The following UACA variants were observed in gnomAD, a reference collection of about 807,000 sequenced individuals.
UACA encodes the protein uveal autoantigen with coiled-coil domains and ankyrin repeats.
In UACA, 112 loss-of-function variants were observed where a neutral mutation model predicts 160.5. The ratio of observed to expected loss-of-function variants is 0.70; its 90% confidence interval spans 0.60 to 0.82. The LOEUF (loss-of-function observed/expected upper bound fraction) is 0.82, where lower values mean the gene tolerates loss of function less well. Ranked by LOEUF, UACA falls within the 40% of genes least tolerant of loss-of-function variation. UACA has a pLI of 0.00. For missense variants in UACA, 1,574 were observed against 1,614.6 expected (o/e 0.97, Z 0.43); for synonymous variants, 557 against 568.4 (o/e 0.98, Z 0.29).
intron 4 of UACA, among the ~76,000 whole-genome samples, 197 bp from the exon 5 acceptor site, chr15:70,690,708 A>G (rs1273217939): frequency 2.0e-5 from 3 of 152,206 alleles, no homozygotes; most frequent in Admixed American, 2.0e-4. Flanking sequence ...ACAATGTTTC[A>G]CCAAACAGGA....
the UACA span, chr15:70,778,753 A>G: frequency 6.6e-6 from 1 of 152,232 alleles, no homozygotes; most frequent in African/African-American, 2.4e-5. Flanking sequence ...CGACTCACAC[A>G]TAAATAAACA....
At chr15:70,658,136 T>A (rs749853734) in intron 18 of UACA, among the ~76,000 whole-genome samples, 1 of 152,206 alleles carries the variant, frequency 6.6e-6, no homozygotes, top group African/African-American at 2.4e-5. Flanking sequence ...CCCATATTTA[T>A]GTTTTTACGT....
At chr15:70,683,246 C>A (rs866107670) in intron 8 of UACA, among the ~76,000 whole-genome samples, 6 of 152,066 alleles carry the variant, frequency 3.9e-5, no homozygotes, top group Middle Eastern at 3.4e-3. Context: ...GTAGTCCCAG[C>A]TACTCATGAG....
At chr15:70,683,489 A>C (rs986304649) in intron 8 of UACA, among the ~76,000 whole-genome samples, 9 of 152,208 alleles carry the variant, frequency 5.9e-5, no homozygotes, top group African/African-American at 2.2e-4. Flanking sequence ...ACCGACCCTA[A>C]AGGGTAATAA....
chr15:70,737,167 G>T (rs912288114), intron 1 of UACA, among the ~76,000 whole-genome samples: 6 of 152,192 alleles, frequency 3.9e-5, no homozygotes, highest in Non-Finnish European at 7.3e-5. Flanking sequence ...GGCCATCGGG[G>T]CTGAGTGTTT....
intron 1 of UACA, among the ~76,000 whole-genome samples, chr15:70,761,813 T>C (rs1464993280): frequency 6.6e-6 from 1 of 152,214 alleles, no homozygotes; most frequent in Non-Finnish European, 1.5e-5. Context: ...ATCATGCTGA[T>C]AATACCTACT....
chr15:70,721,509 TC>T lies in UACA; in HGVS notation c.79-21850del, dbSNP rs1431786317. ...GGGTGTGGTGGCGGGAGCCTGTAGT[TC>T]CAGCTACTCGGGAGGCTGAGGCAGG... On this transcript the variant is annotated intron_variant, in intron 1 of 18. Transcript: ENST00000322954. Among the ~76,000 whole-genome samples the T allele has an allele frequency of 7.9e-5, 12 of 151,774 alleles. 1 individual carries two copies. The East Asian group carries it at 2.3e-3, about 30-fold the overall frequency.
chr15:70,679,046 G>A (rs560764296), intron 10 of UACA, among the ~76,000 whole-genome samples: 12 of 152,040 alleles, frequency 7.9e-5, no homozygotes, highest in South Asian at 2.1e-4. Flanking sequence ...TACTTCTAGC[G>A]TTACATAATT....
intron 1 of UACA, among the ~76,000 whole-genome samples, chr15:70,748,738 A>G (rs1221375004): frequency 3.3e-5 from 5 of 152,116 alleles, no homozygotes; most frequent in Non-Finnish European, 5.9e-5. Context: ...GATTTCATAC[A>G]CTGTCCTGCA....
At chr15:70,772,492 CAAA>C in the UACA span, among the ~76,000 whole-genome samples, 1,047 of 49,454 alleles carry the variant, frequency 0.021, 10 homozygotes, top group African/African-American at 0.05. Context: ...GCCTCCATCT[CAAA>C]AAAAAAAAAA....
intron 1 of UACA, among the ~76,000 whole-genome samples, chr15:70,740,496 G>A (rs960697171): frequency 3.3e-5 from 5 of 151,594 alleles, no homozygotes; most frequent in African/African-American, 1.2e-4. Flanking sequence ...AATCAGCTGG[G>A]CATGCTGGTG....
At position 70,699,513 on chromosome 15, in the gene UACA, T is replaced by A; in HGVS notation, c.212+14A>T. The stretch of plus-strand genomic sequence containing the variant: ...ATTCCCTTCAGACATGCTTTTATCA[T>A]CAATAATACTTACACAGATCTGCCT... On this transcript the variant is annotated intron_variant, in intron 2 of 18. Transcript: ENST00000322954. 1.9e-6 allele frequency: 3 copies of A among 1,608,764 alleles called. No homozygotes were observed. The highest frequency in any genetic ancestry group is 2.5e-6 in the Non-Finnish European group (3 of 1,177,316).
chr15:70,695,511 T>C (rs1438283501), intron 2 of UACA, among the ~76,000 whole-genome samples: 1 of 152,236 alleles, frequency 6.6e-6, no homozygotes, highest in African/African-American at 2.4e-5. Flanking sequence ...AGCAGAATGC[T>C]GAGGCCAAAG....
intron 1 of UACA, among the ~76,000 whole-genome samples, chr15:70,701,226 T>C (rs1055371622): frequency 2.4e-4 from 37 of 152,192 alleles, no homozygotes; most frequent in African/African-American, 8.7e-4. Flanking sequence ...AAGTTTAAAC[T>C]GCCAACTATG....
At chr15:70,679,544 TCAA>T (rs1305722312) in intron 10 of UACA, 61 bp downstream of exon 10, 8 of 1,107,266 alleles carry the variant, frequency 7.2e-6, no homozygotes, top group African/African-American at 3.2e-5. Flanking sequence ...CTCTTCTCTC[TCAA>T]TCCCACTACA....
chr15:70,700,923 CAT>C (rs1445657954), intron 1 of UACA, among the ~76,000 whole-genome samples: 2 of 151,786 alleles, frequency 1.3e-5, no homozygotes, highest in Non-Finnish European at 2.9e-5. Flanking sequence ...ATATCCTCTA[CAT>C]GTTTGATCAA....
Position 70,711,712 on chromosome 15 carries a change from C to T in UACA, c.79-12052G>A, listed in dbSNP as rs200559279. Among the ~76,000 whole-genome samples, 6 of 152,068 alleles carry T rather than the reference C, an allele frequency of 3.9e-5. No homozygotes were observed. In the East Asian group the frequency reaches 1.2e-3, roughly 29 times the overall value. On this transcript the variant is annotated intron_variant, in intron 1 of 18. Coordinates refer to ENST00000322954, the MANE Select transcript of UACA (RefSeq NM_018003.4). ...AACCCAGTTACTTTCTTCAACTGAT[C>T]TCAAAGTATAATAAGGCAGACAGAT...
At chr15:70,698,067 T>A (rs1052048045) in intron 2 of UACA, among the ~76,000 whole-genome samples, 4 of 151,538 alleles carry the variant, frequency 2.6e-5, no homozygotes, top group Non-Finnish European at 4.4e-5. Context: ...AATAAAAAAA[T>A]AAAAAAAATT....
chr15:70,665,041 A>T (rs1896855178), intron 16 of UACA: 1 of 363,062 alleles, frequency 2.8e-6, no homozygotes, highest in Non-Finnish European at 4.9e-6. Flanking sequence ...ATTAAGAATA[A>T]ATATTACATA....
Sources: gnomAD v4.1 joint callset for allele counts (sites outside exome capture counted in the v4.1 genomes callset) on GRCh38, gnomAD v4.1.1 for gene constraint, MANE v1.5 for transcripts, NCBI Gene and HGNC (gene_info 2026-07-23, HGNC 2026-07-21) for gene names.